The following GJC1 variants were observed in gnomAD, a reference collection of about 807,000 sequenced individuals.
The protein encoded by GJC1 is gap junction protein gamma 1.
In GJC1, 5 loss-of-function variants were observed where a neutral mutation model predicts 29.3. The observed-to-expected ratio is 0.17, with a 90% CI of 0.09 to 0.36. The LOEUF (loss-of-function observed/expected upper bound fraction) is 0.36, where lower values mean the gene tolerates loss of function less well. Ranked by LOEUF, GJC1 falls within the 10% of genes least tolerant of loss-of-function variation. The pLI, the probability that GJC1 is intolerant of heterozygous loss-of-function variation, is 1.00. For missense variants in GJC1, 310 were observed against 496.2 expected (o/e 0.62, Z 3.56); for synonymous variants, 177 against 183.3 (o/e 0.97, Z 0.28).
At chr17:44,818,744 G>A (rs531859321) in intron 1 of GJC1, among the ~76,000 whole-genome samples, 3 of 152,076 alleles carry the variant, frequency 2.0e-5, no homozygotes, top group East Asian at 1.9e-4. Flanking sequence ...GCAGTGAGCC[G>A]AGATTGTACC....
intron 2 of GJC1, among the ~76,000 whole-genome samples, chr17:44,806,471 C>T (rs978456387): frequency 6.9e-6 from 1 of 145,172 alleles, no homozygotes; most frequent in Non-Finnish European, 1.5e-5. Flanking sequence ...GTGATCTTGG[C>T]TCACTGCAAC....
chr17:44,806,529 A>G (rs2049916083), intron 2 of GJC1, among the ~76,000 whole-genome samples: 1 of 151,054 alleles, frequency 6.6e-6, no homozygotes, highest in Non-Finnish European at 1.5e-5. Context: ...CCTCCCGAGT[A>G]TCTGGGATTA....
chr17:44,804,906 C>T lies in GJC1; in HGVS notation c.912G>A (p.Leu304=), dbSNP rs1288768513. 6 of 1,614,074 alleles carry T rather than the reference C, an allele frequency of 3.7e-6. No homozygotes were observed. The highest frequency in any genetic ancestry group is 2.7e-5 in the African/African-American group (2 of 74,920). The part of the protein sequence containing the change: ...VKPDQIQYTE[L]SNAKIAYKQN... ...GCTTGTAGGCGATCTTAGCATTGGACAGTTCGGTGTACTGGATTTGATCTG... is the reference window on the plus strand; with the variant it reads ...GCTTGTAGGCGATCTTAGCATTGGATAGTTCGGTGTACTGGATTTGATCTG... Residue 304 remains leucine, a synonymous_variant, in exon 3 of 3, where the codon CTG becomes CTA. Coordinates refer to ENST00000592524, the MANE Select transcript of GJC1 (RefSeq NM_005497.4).
At chr17:44,818,926 G>T (rs575879859) in intron 1 of GJC1, among the ~76,000 whole-genome samples, 1 of 152,106 alleles carries the variant, frequency 6.6e-6, no homozygotes, top group Non-Finnish European at 1.5e-5. Flanking sequence ...TAGACAACAT[G>T]GCGAGACCCC....
chr17:44,822,450 T>C (rs775601688), intron 1 of GJC1, among the ~76,000 whole-genome samples: 126 of 151,650 alleles, frequency 8.3e-4, no homozygotes, highest in Non-Finnish European at 1.6e-3. Context: ...GAGACCAACC[T>C]GGCCAACATG....
chr17:44,796,563 C>T (rs926855279), downstream of GJC1, among the ~76,000 whole-genome samples: 24 of 152,122 alleles, frequency 1.6e-4, no homozygotes, highest in Non-Finnish European at 5.9e-5. Flanking sequence ...ATTTTGGCTA[C>T]TTCAAACAAT....
Position 44,804,519 on chromosome 17 carries a change from C to T in GJC1, c.*108G>A. The T allele has an allele frequency of 1.1e-6, 1 of 886,100 alleles. No homozygotes were observed. The highest frequency in any genetic ancestry group is 1.8e-6 in the Non-Finnish European group (1 of 566,470). The allele number at this position is 886,100 out of a possible 1,614,324, so 54.9% of individuals were successfully genotyped here. On this transcript the variant is annotated 3_prime_UTR_variant, in exon 3 of 3. Coordinates refer to ENST00000592524, the MANE Select transcript of GJC1 (RefSeq NM_005497.4). Reference sequence around the variant, plus strand: ...CTGAGCTTGGATCATGAGCCAACAGCATCCCTGAAGATAACCAGAGCCAAA... The same window carrying T: ...CTGAGCTTGGATCATGAGCCAACAGTATCCCTGAAGATAACCAGAGCCAAA...
chr17:44,798,001 G>T (rs1371128857), downstream of GJC1, among the ~76,000 whole-genome samples: 2 of 152,182 alleles, frequency 1.3e-5, no homozygotes, highest in Admixed American at 1.3e-4. Context: ...CGACACTGCT[G>T]ACTCTGCTGC....
At chr17:44,822,711 G>A (rs1291557083) in intron 1 of GJC1, among the ~76,000 whole-genome samples, 2 of 146,928 alleles carry the variant, frequency 1.4e-5, no homozygotes, top group African/African-American at 2.5e-5. Context: ...TAATAAAATA[G>A]AGTACACTGA....
chr17:44,823,014 C>A (rs1451453731), intron 1 of GJC1, among the ~76,000 whole-genome samples: 1 of 152,086 alleles, frequency 6.6e-6, no homozygotes, highest in Non-Finnish European at 1.5e-5. Flanking sequence ...TAGAGTCCAG[C>A]TCTAATTTGA....
At chr17:44,815,939 C>A (rs1379833129) in intron 1 of GJC1, among the ~76,000 whole-genome samples, 1 of 151,458 alleles carries the variant, frequency 6.6e-6, no homozygotes, top group Non-Finnish European at 1.5e-5. Context: ...AGGTGAAACC[C>A]CATCTCTACT....
At chr17:44,811,062 C>T (rs1432591256) in intron 1 of GJC1, among the ~76,000 whole-genome samples, 1 of 152,148 alleles carries the variant, frequency 6.6e-6, no homozygotes, top group Admixed American at 6.5e-5. Flanking sequence ...AGCCACCACA[C>T]GCAGCCAATA....
At chr17:44,810,177 G>C (rs142101528) in intron 1 of GJC1, among the ~76,000 whole-genome samples, 1,801 of 151,674 alleles carry the variant, frequency 0.012, 40 homozygotes, top group African/African-American at 0.041. Context: ...TGTATTTTTA[G>C]TAGAGACGAG....
At chr17:44,830,796 C>CG, upstream of GJC1, 1 of 398,158 alleles carries the variant, frequency 2.5e-6, no homozygotes. The surrounding 1 kb of genome is among the most constrained non-coding windows in gnomAD (Gnocchi z 4.3). Context: ...TAGCTAGAGT[C>CG]GGGGCTCTTA....
chr17:44,798,241 GA>G (rs1322363531), downstream of GJC1, among the ~76,000 whole-genome samples: 1 of 152,166 alleles, frequency 6.6e-6, no homozygotes, highest in African/African-American at 2.4e-5. Flanking sequence ...CCTTTAGTTG[GA>G]AATTTCTCTG....
In GJC1 at chr17:44,798,487, C is replaced by G. The variant is rs1473049143; in HGVS notation, c.*6140G>C. ...TGTATTTGGAATTGACAAAATCTTCCTAGAGACAAGGCCCTGAGCACACAG... is the reference window on the plus strand; with the variant it reads ...TGTATTTGGAATTGACAAAATCTTCGTAGAGACAAGGCCCTGAGCACACAG... On this transcript the variant is annotated 3_prime_UTR_variant, in exon 3 of 3. Coordinates refer to ENST00000592524, the MANE Select transcript of GJC1 (RefSeq NM_005497.4). 2 of 152,148 alleles carry G rather than the reference C, an allele frequency of 1.3e-5. No individual in the cohort carries two copies. The highest frequency in any genetic ancestry group is 4.8e-5 in the African/African-American group (2 of 41,426). The allele number at this position is 152,148 out of a possible 1,614,324, so 9.4% of individuals were successfully genotyped here.
At chr17:44,815,887 G>A (rs2050036391) in intron 1 of GJC1, among the ~76,000 whole-genome samples, 1 of 151,964 alleles carries the variant, frequency 6.6e-6, no homozygotes, top group Admixed American at 6.6e-5. Context: ...GCCGAGGTGG[G>A]CGGATCATGA....
Position 44,803,864 on chromosome 17 carries a change from T to A in GJC1, c.*763A>T, listed in dbSNP as rs1468721247. 6.6e-6 allele frequency: 1 copy of A among 152,190 alleles called. No individual in the cohort carries two copies. Among genetic ancestry groups the A allele is most frequent in the Non-Finnish European group, 1.5e-5 (1 of 68,038 alleles). 9.4% of individuals were successfully genotyped at this position (152,190 alleles called of 1,614,324 possible). A position where few individuals can be genotyped will look rare whatever the true frequency, so the allele number is the denominator to read the frequency against. Reference sequence around the variant, plus strand: ...TCTGTATCAGGCTTTTGAAAGAACTTTAAGTTATATACATATACCATCAAA... The same window carrying A: ...TCTGTATCAGGCTTTTGAAAGAACTATAAGTTATATACATATACCATCAAA... On this transcript the variant is annotated 3_prime_UTR_variant, in exon 3 of 3. Coordinates refer to ENST00000592524, the MANE Select transcript of GJC1 (RefSeq NM_005497.4).
chr17:44,824,915 GAA>G (rs552854574), intron 1 of GJC1, among the ~76,000 whole-genome samples: 1 of 88,708 alleles, frequency 1.1e-5, no homozygotes, highest in African/African-American at 4.2e-5. Flanking sequence ...TTTTGGGGAA[GAA>G]AAAAAAAAAA....
Sources: gnomAD v4.1 joint callset for allele counts (sites outside exome capture counted in the v4.1 genomes callset) on GRCh38, gnomAD v4.1.1 for gene constraint, Gnocchi (gnomAD v3.1) non-coding constraint, MANE v1.5 for transcripts, NCBI Gene and HGNC (gene_info 2026-07-23, HGNC 2026-07-21) for gene names.